C6orf132: variants seen among roughly 807,000 people sequenced by gnomAD.
The protein encoded by C6orf132 is chromosome 6 open reading frame 132, also known as uncharacterized protein C6orf132.
C6orf132 carries 43 observed loss-of-function variants against 65.3 expected under a neutral mutation model. That is an observed-to-expected ratio of 0.66 (90% CI 0.52 to 0.85). The LOEUF is 0.85. C6orf132 is among the 40% of genes least tolerant of loss of function. The pLI is 0.00. For missense variants in C6orf132, 1,488 were observed against 1,548.8 expected (o/e 0.96, Z 0.66); for synonymous variants, 631 against 654.1 (o/e 0.96, Z 0.54).
Position 42,106,206 on chromosome 6 carries a change from TCATTCCGGATCTGCCG to T in C6orf132, c.1690_1705del (p.Arg564SerfsTer18), listed in dbSNP as rs1440289016. ...TGCTGAGGAGAGCCGGGCCTCCAGC[TCATTCCGGATCTGCCG>T]CACACTGGGAGTTGGAGAGTCTTGG... On this transcript the variant is annotated frameshift_variant, in exon 4 of 5. Transcript: ENST00000341865. LOFTEE classifies it high-confidence loss of function. 6.5e-6 allele frequency: 10 copies of T among 1,537,186 alleles called. No homozygotes were observed. The highest frequency in any genetic ancestry group is 8.7e-6 in the Non-Finnish European group (10 of 1,146,906).
Position 42,142,580 on chromosome 6 carries a change from C to A in C6orf132, c.-136G>T, listed in dbSNP as rs1335120898. The A allele has an allele frequency of 7.1e-6, 3 of 423,880 alleles. No individual in the cohort carries two copies. The highest frequency in any genetic ancestry group is 1.1e-5 in the Non-Finnish European group (3 of 277,540). 26.3% of individuals were successfully genotyped at this position (423,880 alleles called of 1,614,324 possible). ...CCCGCCGTCCTCCCCGCCCGCGCAC[C>A]GGGCAACAGGTGCTGCGGGCGCCGC... On this transcript the variant is annotated 5_prime_UTR_variant, in exon 1 of 5. Transcript: ENST00000341865.
In C6orf132 at chr6:42,106,265, G is replaced by C. The variant is rs1355296673; in HGVS notation, c.1647C>G (p.Pro549=). Residue 549 remains proline, a synonymous_variant, in exon 4 of 5, where the codon CCC becomes CCG. Coordinates refer to ENST00000341865, the MANE Select transcript of C6orf132 (RefSeq NM_001164446.3). ...ETEAAPSLTL[P]SVDYIPQDSP... ...AGTCTTGGGGAATGTAGTCCACAGA[G>C]GGCAGGGTCAGGCTGGGGGCAGCCT... 2.0e-6 allele frequency: 3 copies of C among 1,537,106 alleles called. No homozygotes were observed. Among genetic ancestry groups the C allele is most frequent in the South Asian group, 1.2e-5 (1 of 84,062 alleles).
rs1766379477 is a variant in C6orf132, at chr6:42,105,366, G to A, written c.2546C>T (p.Ala849Val). The A allele has an allele frequency of 1.3e-6, 2 of 1,536,272 alleles. No homozygotes were observed. The highest frequency in any genetic ancestry group is 3.9e-5 in the Admixed American group (2 of 50,978). The change falls in exon 4 of 5, where the codon GCT becomes GTT. Residue 849 changes from alanine (A) to valine (V), a missense_variant. Ala to Val is a moderately conservative substitution (Grantham distance 64). Transcript: ENST00000341865. ...MALLLAARQR[A>V]QKGRSVGAAL... ...AGCCCCTACAGACCTTCCCTTCTGAGCCCTCTGCCTGGCCGCCAGGAGCAG... is the reference window on the plus strand; with the variant it reads ...AGCCCCTACAGACCTTCCCTTCTGAACCCTCTGCCTGGCCGCCAGGAGCAG...
At chr6:42,115,417 C>T (rs891940235) in intron 2 of C6orf132, among the ~76,000 whole-genome samples, 7 of 151,862 alleles carry the variant, frequency 4.6e-5, no homozygotes, top group African/African-American at 9.7e-5. Flanking sequence ...GAGGCTGAGG[C>T]GGGCGGATCA....
Position 42,141,810 on chromosome 6 carries a change from C to T in C6orf132, c.145+490G>A, listed in dbSNP as rs115999251. Among the ~76,000 whole-genome samples, 1,172 of 152,264 alleles carry T rather than the reference C, an allele frequency of 7.7e-3. 21 individuals are homozygous for T. The highest frequency in any genetic ancestry group is 0.026 in the African/African-American group (1,068 of 41,530). ...GTTTGTGAGCACCCAGATAGCAGGC[C>T]CCTCTCTGCCACGTGGGCTTGGGAA... is the stretch of plus-strand genomic sequence containing the variant. On this transcript the variant is annotated intron_variant, in intron 1 of 4. Transcript: ENST00000341865.
Position 42,122,918 on chromosome 6 carries a change from T to TG in C6orf132, c.252+5753dup, listed in dbSNP as rs372566192. On this transcript the variant is annotated intron_variant, in intron 2 of 4. Transcript: ENST00000341865. The stretch of plus-strand genomic sequence containing the variant: ...CAGCTCTCACCGCCCAGGGCACCCC[T>TG]GGGGACCTGTTGGGCCAGTTTTCCC... 1.5e-3 allele frequency among the ~76,000 whole-genome samples: 236 copies of TG among 152,306 alleles called. 1 individual carries two copies. The highest frequency in any genetic ancestry group is 5.3e-3 in the African/African-American group (221 of 41,578).
At chr6:42,135,165 G>C (rs1185092546) in intron 1 of C6orf132, among the ~76,000 whole-genome samples, 1 of 152,212 alleles carries the variant, frequency 6.6e-6, no homozygotes, top group Non-Finnish European at 1.5e-5. Flanking sequence ...GAGAGCCACC[G>C]GGAGGCAGGC....
At chr6:42,138,619 C>T (rs1766987839) in intron 1 of C6orf132, among the ~76,000 whole-genome samples, 1 of 152,168 alleles carries the variant, frequency 6.6e-6, no homozygotes, top group Non-Finnish European at 1.5e-5. Context: ...TCTGAGGTAG[C>T]TGTGAGCTGT....
chr6:42,106,271 G>T lies in C6orf132; in HGVS notation c.1641C>A (p.Thr547=), dbSNP rs1766404937. ...GGGGAATGTAGTCCACAGAGGGCAG[G>T]GTCAGGCTGGGGGCAGCCTCTGTCT... ...LTETEAAPSL[T]LPSVDYIPQD... The change falls in exon 4 of 5, where the codon ACC becomes ACA. Residue 547 remains threonine, a synonymous_variant. Transcript: ENST00000341865. The T allele has an allele frequency of 6.5e-7, 1 of 1,537,024 alleles. No homozygotes were observed. The highest frequency in any genetic ancestry group is 8.7e-7 in the Non-Finnish European group (1 of 1,146,908).
At chr6:42,115,916 TTTTTTCTTTTTC>T (rs1158350802) in intron 2 of C6orf132, among the ~76,000 whole-genome samples, 2 of 147,594 alleles carry the variant, frequency 1.4e-5, no homozygotes, top group African/African-American at 2.5e-5. Flanking sequence ...TTTTTTTTTC[TTTTTTCTTTTTC>T]TTTTTCTTTT....
Position 42,104,366 on chromosome 6 carries a change from C to T in C6orf132, c.3449+97G>A. 1 of 1,223,778 alleles carries T rather than the reference C, an allele frequency of 8.2e-7. No homozygotes were observed. Among genetic ancestry groups the T allele is most frequent in the Non-Finnish European group, 1.0e-6 (1 of 983,186 alleles). The allele number at this position is 1,223,778 out of a possible 1,614,324, so 75.8% of individuals were successfully genotyped here. A position where few individuals can be genotyped will look rare whatever the true frequency, so the allele number is the denominator to read the frequency against. On this transcript the variant is annotated intron_variant, in intron 4 of 4. Transcript: ENST00000341865. The surrounding 1 kb of genome is among the most constrained non-coding windows in gnomAD (Gnocchi z 4.1). ...TACCTGCAAGGCCGAAGGGAGAAAA[C>T]CAAATGTTTTCTCTTGACGGATGGC... is the stretch of plus-strand genomic sequence containing the variant.
chr6:42,131,040 C>T (rs1766844497), intron 1 of C6orf132, among the ~76,000 whole-genome samples: 1 of 152,068 alleles, frequency 6.6e-6, no homozygotes, highest in African/African-American at 2.4e-5. Context: ...TGTGCACCAC[C>T]ACGCCCAGCT....
At position 42,106,069 on chromosome 6, in the gene C6orf132, C is replaced by T; in HGVS notation, c.1843G>A (p.Ala615Thr). 6.5e-7 allele frequency: 1 copy of T among 1,537,202 alleles called. No individual in the cohort carries two copies. Residue 615 changes from alanine to threonine, a missense_variant, in exon 4 of 5, where the codon GCC (alanine) becomes ACC (threonine). Ala to Thr is a moderately conservative substitution (Grantham distance 58). Coordinates refer to ENST00000341865, the MANE Select transcript of C6orf132 (RefSeq NM_001164446.3). The part of the protein sequence containing the change: ...ADDDKLSKPV[A>T]KNLPPQSTTL... ...GTGGATTGAGGTGGCAGATTCTTGG[C>T]CACAGGCTTGGAGAGTTTGTCATCA...
intron 1 of C6orf132, among the ~76,000 whole-genome samples, chr6:42,140,943 C>G (rs571216677): frequency 1.3e-5 from 2 of 152,378 alleles, no homozygotes; most frequent in East Asian, 3.9e-4. Context: ...CATGCCTCCA[C>G]TTGCCCTGCT....
chr6:42,123,436 AAGGAGAAGAAGGAGAAGAAGG>A (rs1418192350), intron 2 of C6orf132, among the ~76,000 whole-genome samples: 10 of 66,250 alleles, frequency 1.5e-4, no homozygotes, highest in Non-Finnish European at 2.1e-4. Context: ...GGAGAAGGAG[AAGGAGAAGAAGGAGAAGAAGG>A]AGAAGGAGAA....
At chr6:42,129,343 G>GA (rs1306585832) in intron 1 of C6orf132, among the ~76,000 whole-genome samples, 3 of 152,160 alleles carry the variant, frequency 2.0e-5, no homozygotes, top group Admixed American at 1.3e-4. Flanking sequence ...GGGCAGAGCA[G>GA]AAAAAACGGG....
rs1156356191 is a variant in C6orf132 at position 42,119,248 on chromosome 6, C to CAAAAAAA, written c.253-8964_253-8958dup. On this transcript the variant is annotated intron_variant, in intron 2 of 4. Coordinates refer to ENST00000341865, the MANE Select transcript of C6orf132 (RefSeq NM_001164446.3). ...TGGGCACAAGAGCAAGACTCTGTCT[C>CAAAAAAA]AAAAAAAAAAAAAAAAAAAAAAAAA... 3.7e-3 allele frequency among the ~76,000 whole-genome samples: 166 copies of CAAAAAAA among 44,776 alleles called. 3 individuals are homozygous for CAAAAAAA. The highest frequency in any genetic ancestry group is 0.031 in the Middle Eastern group (1 of 32). The allele number at this position is 44,776 out of a possible 152,430, so 29.4% of individuals were successfully genotyped here. A position where few individuals can be genotyped will look rare whatever the true frequency, so the allele number is the denominator to read the frequency against.
In C6orf132 at chr6:42,128,738, G is replaced by A. The variant is rs1039757534; in HGVS notation, c.186C>T (p.Ser62=). ...CTTTCAGCGTGGCTGTTCCTGACTC[G>A]CTCACTGTGTTAAACCGATTGTCTC... The part of the protein sequence containing the change: ...YYGDNRFNTV[S]ESGTATLKAR... The change falls in exon 2 of 5, where the codon AGC becomes AGT. Residue 62 remains serine, a synonymous_variant. Coordinates refer to ENST00000341865, the MANE Select transcript of C6orf132 (RefSeq NM_001164446.3). The A allele has an allele frequency of 3.6e-5, 56 of 1,551,340 alleles. No homozygotes were observed. The highest frequency in any genetic ancestry group is 1.7e-4 in the Middle Eastern group (1 of 5,976).
rs1397820187 is a variant in C6orf132 at position 42,107,550 on chromosome 6, A to G, written c.362T>C (p.Leu121Pro). Reference sequence around the variant, plus strand: ...CCTCAGGTCACCCACAGAGCTGTACAGTCGGAGGTTGCCATTGACTAGTGA... The same window carrying G: ...CCTCAGGTCACCCACAGAGCTGTACGGTCGGAGGTTGCCATTGACTAGTGA... Reference protein sequence around the residue: ...TSSLVNGNLRLYSSVGDLRPG... With the variant: ...TSSLVNGNLRPYSSVGDLRPG... The change falls in exon 4 of 5, where the codon CTG becomes CCG. Residue 121 changes from leucine to proline, a missense_variant. Physicochemically the swap from Leu to Pro is moderately conservative, Grantham distance 98. Transcript: ENST00000341865. 1 of 1,550,862 alleles carries G rather than the reference A, an allele frequency of 6.4e-7. No individual in the cohort carries two copies. The highest frequency in any genetic ancestry group is 2.0e-5 in the Admixed American group (1 of 50,972).
Sources: gnomAD v4.1 joint callset for allele counts (sites outside exome capture counted in the v4.1 genomes callset) on GRCh38, gnomAD v4.1.1 for gene constraint, Gnocchi (gnomAD v3.1) non-coding constraint, MANE v1.5 for transcripts, NCBI Gene and HGNC (gene_info 2026-07-23, HGNC 2026-07-21) for gene names.